Variants in PXDNL observed in about 807,000 individuals in gnomAD.
PXDNL encodes peroxidasin like, also known as probable oxidoreductase PXDNL.
A neutral mutation model predicts 150.8 loss-of-function variants in PXDNL; 145 were observed. The ratio of observed to expected loss-of-function variants is 0.96; its 90% confidence interval spans 0.84 to 1.10. PXDNL has a LOEUF of 1.10. Ranked by LOEUF, PXDNL falls within the 50% of genes least tolerant of loss-of-function variation. The pLI is 0.00. For missense variants in PXDNL, 2,087 were observed against 1,873.9 expected (o/e 1.11, Z -2.10); for synonymous variants, 757 against 725.7 (o/e 1.04, Z -0.69).
At chr8:51,643,990 C>T (rs1200926220) in intron 2 of PXDNL, among the ~76,000 whole-genome samples, 1 of 151,290 alleles carries the variant, frequency 6.6e-6, no homozygotes, top group East Asian at 2.0e-4. Context: ...ACTAAAAATA[C>T]AAAAAATTAG....
At chr8:51,563,506 G>T (rs78116495) in intron 3 of PXDNL, among the ~76,000 whole-genome samples, 5 of 151,838 alleles carry the variant, frequency 3.3e-5, no homozygotes, top group African/African-American at 7.3e-5. Context: ...TAGGAGTCTT[G>T]GGAGGATACA....
chr8:51,726,678 G>T (rs1816823073), intron 1 of PXDNL, among the ~76,000 whole-genome samples: 1 of 152,050 alleles, frequency 6.6e-6, no homozygotes, highest in South Asian at 2.1e-4. Flanking sequence ...GCAGCACAAG[G>T]CTTCACCTAA....
At chr8:51,477,564 G>T (rs905529831) in intron 6 of PXDNL, among the ~76,000 whole-genome samples, 1 of 152,212 alleles carries the variant, frequency 6.6e-6, no homozygotes, top group Non-Finnish European at 1.5e-5. Context: ...TGTGTTCGAA[G>T]TTCACATTTA....
chr8:51,512,609 G>A (rs1811445296), intron 4 of PXDNL, among the ~76,000 whole-genome samples: 1 of 152,188 alleles, frequency 6.6e-6, no homozygotes, highest in Admixed American at 6.5e-5. Context: ...ATAAAATGCA[G>A]AAACAGCCAC....
At chr8:51,574,308 A>G (rs940113257) in intron 3 of PXDNL, among the ~76,000 whole-genome samples, 1 of 152,034 alleles carries the variant, frequency 6.6e-6, no homozygotes, top group African/African-American at 2.4e-5. Context: ...GGCAGGATGG[A>G]GAGGACAACA....
chr8:51,803,585 T>G (rs1267332519), intron 1 of PXDNL, among the ~76,000 whole-genome samples: 2 of 152,168 alleles, frequency 1.3e-5, no homozygotes, highest in African/African-American at 4.8e-5. Flanking sequence ...TCGGTAGATG[T>G]GTTCCTCTGT....
At chr8:51,429,561 C>T (rs549598285) in intron 12 of PXDNL, among the ~76,000 whole-genome samples, 1 of 152,146 alleles carries the variant, frequency 6.6e-6, no homozygotes, top group African/African-American at 2.4e-5. Flanking sequence ...CAGAGTGAGA[C>T]TCCATCTCAA....
At chr8:51,483,526 C>G (rs760825531) in intron 6 of PXDNL, 117 bp downstream of exon 6, 41 of 703,530 alleles carry the variant, frequency 5.8e-5, no homozygotes, top group Non-Finnish European at 9.3e-5. Context: ...CCCTAACATG[C>G]TAGAATTGCA....
chr8:51,443,041 T>G (rs934777065), intron 12 of PXDNL, among the ~76,000 whole-genome samples: 1 of 152,182 alleles, frequency 6.6e-6, no homozygotes, highest in Non-Finnish European at 1.5e-5. Context: ...TAACAACCTC[T>G]ACAGCCATGC....
At chr8:51,443,783 C>T (rs886723215) in intron 12 of PXDNL, among the ~76,000 whole-genome samples, 6 of 152,156 alleles carry the variant, frequency 3.9e-5, no homozygotes, top group African/African-American at 1.2e-4. Flanking sequence ...AATATTACCT[C>T]ACAAAGACAT....
chr8:51,591,127 C>T (rs1045050847), intron 3 of PXDNL, among the ~76,000 whole-genome samples: 27 of 152,064 alleles, frequency 1.8e-4, no homozygotes, highest in African/African-American at 6.5e-4. Context: ...CCTTTTTCTC[C>T]ATGTCTGTAT....
intron 2 of PXDNL, among the ~76,000 whole-genome samples, chr8:51,622,803 C>A (rs1483302094): frequency 6.6e-6 from 1 of 152,202 alleles, no homozygotes; most frequent in Non-Finnish European, 1.5e-5. Context: ...TCTCAGTTCT[C>A]TGAAGGCACC....
At position 51,411,237 on chromosome 8, in the gene PXDNL, C is replaced by T. The variant is rs964188339; in HGVS notation, c.2062+13G>A. 2 of 1,433,144 alleles carry T rather than the reference C, an allele frequency of 1.4e-6. No individual in the cohort carries two copies. Among genetic ancestry groups the T allele is most frequent in the South Asian group, 3.4e-5 (2 of 59,514 alleles). The allele number at this position is 1,433,144 out of a possible 1,614,324, so 88.8% of individuals were successfully genotyped here. A position where few individuals can be genotyped will look rare whatever the true frequency, so the allele number is the denominator to read the frequency against. On this transcript the variant is annotated intron_variant, in intron 16 of 22. Coordinates refer to ENST00000356297, the MANE Select transcript of PXDNL (RefSeq NM_144651.5). Reference sequence around the variant, plus strand: ...GGGCAGTAGGCTGAGAATAAAATGGCTTTGTGGCTGACCTTTGCCTTCCAA... The same window carrying T: ...GGGCAGTAGGCTGAGAATAAAATGGTTTTGTGGCTGACCTTTGCCTTCCAA...
At chr8:51,639,617 T>C (rs1316668769) in intron 2 of PXDNL, among the ~76,000 whole-genome samples, 2 of 152,144 alleles carry the variant, frequency 1.3e-5, no homozygotes, top group Non-Finnish European at 2.9e-5. Flanking sequence ...AATGGATAAA[T>C]TCCTTGACAC....
At chr8:51,674,473 C>A (rs1257261859) in intron 1 of PXDNL, among the ~76,000 whole-genome samples, 1 of 152,230 alleles carries the variant, frequency 6.6e-6, no homozygotes, top group East Asian at 1.9e-4. Flanking sequence ...TTGCTTCCTT[C>A]AGATAACCTT....
intron 1 of PXDNL, among the ~76,000 whole-genome samples, chr8:51,739,720 T>A (rs1425520100): frequency 2.0e-5 from 3 of 150,940 alleles, no homozygotes; most frequent in Non-Finnish European, 3.0e-5. Context: ...TAAAAAAAAA[T>A]AAAAAATTAG....
intron 2 of PXDNL, among the ~76,000 whole-genome samples, chr8:51,616,522 C>A (rs1394443995): frequency 1.3e-5 from 2 of 152,134 alleles, no homozygotes; most frequent in African/African-American, 4.8e-5. Flanking sequence ...GTACAGTGGT[C>A]CCTGGGTATC....
chr8:51,598,973 T>C (rs533414881), intron 2 of PXDNL, among the ~76,000 whole-genome samples: 1 of 152,166 alleles, frequency 6.6e-6, no homozygotes, highest in Admixed American at 6.6e-5. Context: ...GGGAGATGTG[T>C]GCTTACAGGA....
intron 3 of PXDNL, among the ~76,000 whole-genome samples, chr8:51,584,631 G>T (rs1385395189): frequency 1.3e-5 from 2 of 152,164 alleles, no homozygotes; most frequent in East Asian, 3.9e-4. Context: ...TAATACAGTT[G>T]CCAAGAGAGT....
Sources: gnomAD v4.1 joint callset for allele counts (sites outside exome capture counted in the v4.1 genomes callset) on GRCh38, gnomAD v4.1.1 for gene constraint, MANE v1.5 for transcripts, NCBI Gene and HGNC (gene_info 2026-07-23, HGNC 2026-07-21) for gene names.